The following XCR1 variants were observed in gnomAD, a reference collection of about 807,000 sequenced individuals.
XCR1 encodes the protein X-C motif chemokine receptor 1.
For synonymous variants in XCR1, 187 were observed against 188.5 expected, an observed-to-expected ratio of 0.99 and a Z score of 0.06; for missense variants, 356 against 424.2, an observed-to-expected ratio of 0.84 and a Z score of 1.41.
At chr3:46,054,045 A>G (rs575167131) in exon 5 of XCR1, among the ~76,000 whole-genome samples, 1 of 152,232 alleles carries the variant, frequency 6.6e-6, no homozygotes, top group Admixed American at 6.5e-5. Context: ...GGGTGCCACT[A>G]TGTAACCCAC....
intron 3 of XCR1, among the ~76,000 whole-genome samples, chr3:46,074,358 C>G (rs768747090): frequency 4.6e-5 from 7 of 151,112 alleles, no homozygotes; most frequent in Non-Finnish European, 1.0e-4. Flanking sequence ...TAAAACAACT[C>G]AGAAACAGAA....
chr3:46,025,603 G>A (rs956437494), intron 1 of XCR1, among the ~76,000 whole-genome samples: 3 of 152,182 alleles, frequency 2.0e-5, no homozygotes, highest in Non-Finnish European at 4.4e-5. Flanking sequence ...TTAACATGCA[G>A]CATATCAAAA....
rs905213757 is a variant in XCR1 at position 46,019,843 on chromosome 3, G to A, written c.*1103C>T. On this transcript the variant is annotated 3_prime_UTR_variant, in exon 2 of 2. Coordinates refer to ENST00000309285, the MANE Select transcript of XCR1 (RefSeq NM_001024644.2). The stretch of plus-strand genomic sequence containing the variant: ...CTGGTGGGGAAAGAGAGGAGCAGTG[G>A]GGAGATGCCAAGGAAGTGAGGCCCT... 6.6e-6 allele frequency: 1 copy of A among 152,352 alleles called. No homozygotes were observed. The highest frequency in any genetic ancestry group is 2.4e-5 in the African/African-American group (1 of 41,444). 9.4% of individuals were successfully genotyped at this position (152,352 alleles called of 1,614,324 possible).
chr3:46,033,264 C>T (rs865830356), intron 5 of XCR1, among the ~76,000 whole-genome samples: 22 of 152,226 alleles, frequency 1.4e-4, no homozygotes, highest in Middle Eastern at 6.8e-3. Context: ...CATAAAAAAT[C>T]CAAGGCCATC....
intron 3 of XCR1, among the ~76,000 whole-genome samples, chr3:46,067,352 G>A (rs1422720107): frequency 1.3e-5 from 2 of 152,298 alleles, no homozygotes; most frequent in East Asian, 3.9e-4. Context: ...TCATGCACTA[G>A]TGGATATTCT....
At chr3:46,038,757 T>C (rs920226028) in intron 5 of XCR1, among the ~76,000 whole-genome samples, 8 of 152,192 alleles carry the variant, frequency 5.3e-5, no homozygotes, top group Non-Finnish European at 1.2e-4. Context: ...TAGTATACTA[T>C]TTATTTTACT....
chr3:46,042,367 TAAAC>T lies in XCR1; in HGVS notation c.-32+11549_-32+11552del, dbSNP rs546875474. On this transcript the variant is annotated intron_variant, in intron 5 of 5. Coordinates refer to the XCR1 transcript ENST00000683768. ...AGAGAATAGAAAACAATAGAGAAAATAAACAGAATCAAAGTTTGCTCTTTAAAAA... is the reference window on the plus strand; with the variant it reads ...AGAGAATAGAAAACAATAGAGAAAATAGAATCAAAGTTTGCTCTTTAAAAA... 7.5e-3 allele frequency among the ~76,000 whole-genome samples: 1,145 copies of T among 151,826 alleles called. 14 individuals carry two copies. The highest frequency in any genetic ancestry group is 0.027 in the African/African-American group (1,098 of 41,408).
At chr3:46,081,154 C>T (rs1351698938) in intron 1 of XCR1, among the ~76,000 whole-genome samples, 1 of 152,210 alleles carries the variant, frequency 6.6e-6, no homozygotes, top group African/African-American at 2.4e-5. Flanking sequence ...TTTTACTGGT[C>T]AAGTAATTCA....
chr3:46,076,862 AG>A (rs1698269807), exon 2 of XCR1, among the ~76,000 whole-genome samples: 1 of 152,208 alleles, frequency 6.6e-6, no homozygotes, highest in African/African-American at 2.4e-5. Flanking sequence ...GACTTGCCAT[AG>A]GAGAAGTCAA....
chr3:46,083,694 A>G (rs979167164), intron 1 of XCR1, among the ~76,000 whole-genome samples: 5 of 152,236 alleles, frequency 3.3e-5, no homozygotes, highest in East Asian at 1.9e-4. Flanking sequence ...AGATTTACTG[A>G]CTAAGGTTGT....
At chr3:46,048,183 C>T (rs922637105) in intron 5 of XCR1, among the ~76,000 whole-genome samples, 1 of 152,112 alleles carries the variant, frequency 6.6e-6, no homozygotes, top group African/African-American at 2.4e-5. Flanking sequence ...TGTTCTATGT[C>T]AGGGGGAGTT....
chr3:46,036,708 C>T (rs1347217224), intron 5 of XCR1, among the ~76,000 whole-genome samples: 1 of 152,078 alleles, frequency 6.6e-6, no homozygotes, highest in East Asian at 1.9e-4. Context: ...ATAAACCTAG[C>T]CAGAACAAAA....
At chr3:46,059,664 G>A (rs922421765) in intron 4 of XCR1, among the ~76,000 whole-genome samples, 2 of 152,296 alleles carry the variant, frequency 1.3e-5, no homozygotes, top group South Asian at 2.1e-4. Context: ...AAGAGGAAAT[G>A]GTGCCTGGCT....
At chr3:46,062,716 C>A (rs1170523427) in intron 4 of XCR1, among the ~76,000 whole-genome samples, 2 of 152,234 alleles carry the variant, frequency 1.3e-5, no homozygotes, top group Admixed American at 1.3e-4. Context: ...GCTTCTCAAG[C>A]CTAACATGGG....
chr3:46,055,201 C>T (rs141010915), intron 4 of XCR1, among the ~76,000 whole-genome samples: 93 of 152,236 alleles, frequency 6.1e-4, no homozygotes, highest in African/African-American at 2.1e-3. Context: ...CCAAAAGTCA[C>T]GTAGCACTTG....
upstream of XCR1, among the ~76,000 whole-genome samples, chr3:46,032,442 T>G (rs1339875138): frequency 6.6e-6 from 1 of 152,230 alleles, no homozygotes. Flanking sequence ...TGTCTCACTA[T>G]GCAATGCTGG....
intron 5 of XCR1, among the ~76,000 whole-genome samples, chr3:46,037,099 A>G (rs894398031): frequency 6.6e-6 from 1 of 152,134 alleles, no homozygotes; most frequent in Non-Finnish European, 1.5e-5. Context: ...TAAAATGCTA[A>G]TATCTGGTAG....
chr3:46,058,875 T>C (rs1697906935), intron 4 of XCR1, among the ~76,000 whole-genome samples: 1 of 152,200 alleles, frequency 6.6e-6, no homozygotes. Flanking sequence ...ATAGGGTGTC[T>C]TCTGTTAGAG....
Position 46,063,122 on chromosome 3 carries a change from G to C in XCR1, c.-183+3777C>G, listed in dbSNP as rs6790653. Reference sequence around the variant, plus strand: ...CCGAATTATTATCCTAGCTGCTATAGCTCTATCATTCAGGGTCCCAGTAGG... The same window carrying C: ...CCGAATTATTATCCTAGCTGCTATACCTCTATCATTCAGGGTCCCAGTAGG... On this transcript the variant is annotated intron_variant, in intron 4 of 5. Transcript: ENST00000683768. Among the ~76,000 whole-genome samples, 715 of 152,292 alleles carry C rather than the reference G, an allele frequency of 4.7e-3. 6 individuals carry two copies. Among genetic ancestry groups the C allele is most frequent in the African/African-American group, 0.016 (661 of 41,560 alleles).
Sources: allele counts gnomAD v4.1 joint callset (sites outside exome capture counted in the v4.1 genomes callset), GRCh38; gene constraint gnomAD v4.1.1; transcripts MANE v1.5; gene names NCBI Gene and HGNC (gene_info 2026-07-23, HGNC 2026-07-21).